The following NCKAP5 variants were observed in gnomAD, a reference collection of about 807,000 sequenced individuals.
NCKAP5 encodes the protein nck-associated protein 5.
A neutral mutation model predicts 167.0 loss-of-function variants in NCKAP5; 92 were observed. That is an observed-to-expected ratio of 0.55 (90% CI 0.47 to 0.66). The LOEUF is 0.66. Ranked by LOEUF, NCKAP5 falls within the 30% of genes least tolerant of loss-of-function variation. The pLI is 0.00. For synonymous variants in NCKAP5, 891 were observed against 877.4 expected, an observed-to-expected ratio of 1.02 and a Z score of -0.27; for missense variants, 2,378 against 2,315.0, an observed-to-expected ratio of 1.03 and a Z score of -0.56.
chr2:132,803,959 G>A (rs1190878566), intron 11 of NCKAP5, among the ~76,000 whole-genome samples: 2 of 152,120 alleles, frequency 1.3e-5, no homozygotes, highest in African/African-American at 4.8e-5. Flanking sequence ...GATGGTGGAG[G>A]CCAGTGTATT....
At chr2:133,496,879 T>C (rs936718624) in intron 3 of NCKAP5, among the ~76,000 whole-genome samples, 4 of 152,142 alleles carry the variant, frequency 2.6e-5, no homozygotes, top group Non-Finnish European at 5.9e-5. Context: ...TGCAAAGAAG[T>C]GTTTCTTGCA....
chr2:132,751,182 G>A (rs548617304), intron 16 of NCKAP5, among the ~76,000 whole-genome samples: 1 of 152,106 alleles, frequency 6.6e-6, no homozygotes, highest in Non-Finnish European at 1.5e-5. Flanking sequence ...CATTCTCACA[G>A]GAGGGAGTGG....
At position 132,784,836 on chromosome 2, in the gene NCKAP5, T is replaced by C. The variant is rs1360941306; in HGVS notation, c.1975A>G (p.Lys659Glu). The C allele has an allele frequency of 4.4e-6, 7 of 1,575,698 alleles. No individual in the cohort carries two copies. Among genetic ancestry groups the C allele is most frequent in the Non-Finnish European group, 6.0e-6 (7 of 1,160,528 alleles). ...FSFIKQQRVVKRTSSEECVTV... is the reference protein window; with the variant it reads ...FSFIKQQRVVERTSSEECVTV... ...ACACATTCTTCTGAAGAAGTCCTTT[T>C]TACAACTCTTTGCTGCTTAATGAAA... Residue 659 changes from lysine to glutamate, a missense_variant, in exon 14 of 20, where the codon AAA becomes GAA. By Grantham distance (56) the Lys-to-Glu change is moderately conservative. This residue lies in a region of NCKAP5 where 1,049 missense variants were observed against 1,023.4 expected (regional missense o/e 1.02). Coordinates refer to ENST00000409261, the MANE Select transcript of NCKAP5 (RefSeq NM_207363.3).
intron 3 of NCKAP5, among the ~76,000 whole-genome samples, chr2:133,408,896 T>C (rs1321440894): frequency 6.6e-6 from 1 of 152,082 alleles, no homozygotes; most frequent in African/African-American, 2.4e-5. Flanking sequence ...CCCCAGCCCA[T>C]CCTGAAGCCT....
intron 4 of NCKAP5, among the ~76,000 whole-genome samples, chr2:133,254,506 G>A (rs1157242991): frequency 6.6e-6 from 1 of 152,168 alleles, no homozygotes; most frequent in East Asian, 1.9e-4. Context: ...TCTCAGAATT[G>A]TGAGAGATAG....
chr2:132,776,718 T>C (rs1300456486), intron 15 of NCKAP5, among the ~76,000 whole-genome samples: 1 of 152,196 alleles, frequency 6.6e-6, no homozygotes, highest in Non-Finnish European at 1.5e-5. Context: ...CATTTGCCTA[T>C]GGAAATGAGG....
intron 4 of NCKAP5, among the ~76,000 whole-genome samples, chr2:133,236,069 C>CAAAA (rs2087400410): frequency 5.1e-5 from 1 of 19,450 alleles, no homozygotes; most frequent in Non-Finnish European, 9.3e-5. Flanking sequence ...CTGTCTCAGA[C>CAAAA]CAAAAAAAAA....
At chr2:132,705,267 T>TTA (rs1688248444) in intron 19 of NCKAP5, among the ~76,000 whole-genome samples, 1 of 151,638 alleles carries the variant, frequency 6.6e-6, no homozygotes, top group Non-Finnish European at 1.5e-5. Flanking sequence ...CTCTCATCCT[T>TTA]AAAAAAAACC....
At chr2:133,278,081 A>G (rs1232530384) in intron 4 of NCKAP5, among the ~76,000 whole-genome samples, 1 of 152,198 alleles carries the variant, frequency 6.6e-6, no homozygotes, top group African/African-American at 2.4e-5. Flanking sequence ...GATGAAAGGA[A>G]TGGTTACCTG....
At chr2:133,413,841 A>G (rs1688933734) in intron 3 of NCKAP5, among the ~76,000 whole-genome samples, 1 of 152,106 alleles carries the variant, frequency 6.6e-6, no homozygotes, top group Non-Finnish European at 1.5e-5. Flanking sequence ...CTGCTTCACT[A>G]TTTATGTTAT....
intron 4 of NCKAP5, among the ~76,000 whole-genome samples, chr2:133,246,133 A>G (rs900748175): frequency 3.3e-5 from 5 of 152,106 alleles, no homozygotes; most frequent in Non-Finnish European, 7.4e-5. Context: ...AATAGGAATG[A>G]TTCCAGGGAG....
chr2:133,415,329 C>G (rs942355497), intron 3 of NCKAP5, among the ~76,000 whole-genome samples: 6 of 152,254 alleles, frequency 3.9e-5, no homozygotes, highest in Non-Finnish European at 7.3e-5. Context: ...GATACTTACT[C>G]TACTGTATTG....
intron 4 of NCKAP5, among the ~76,000 whole-genome samples, chr2:133,224,035 T>A (rs2086774014): frequency 6.6e-6 from 1 of 152,232 alleles, no homozygotes; most frequent in Non-Finnish European, 1.5e-5. Flanking sequence ...ATCCACAGGC[T>A]TGTCCTTAAC....
intron 5 of NCKAP5, among the ~76,000 whole-genome samples, chr2:133,186,084 G>A (rs1486003853): frequency 6.6e-6 from 1 of 152,070 alleles, no homozygotes; most frequent in Non-Finnish European, 1.5e-5. Context: ...TCAGTATGAT[G>A]TTGGCTGTAG....
intron 5 of NCKAP5, among the ~76,000 whole-genome samples, chr2:133,212,374 G>A (rs1019288908): frequency 3.3e-5 from 5 of 152,074 alleles, no homozygotes; most frequent in African/African-American, 7.2e-5. Flanking sequence ...GCTTGTGAAA[G>A]TTTCCTTATT....
chr2:133,456,469 C>T (rs1691868784), intron 3 of NCKAP5, among the ~76,000 whole-genome samples: 1 of 152,152 alleles, frequency 6.6e-6, no homozygotes. Context: ...AATGGCGGGA[C>T]AGAAGAGAAA....
chr2:133,049,733 C>T (rs959811885), intron 6 of NCKAP5, among the ~76,000 whole-genome samples: 7 of 152,068 alleles, frequency 4.6e-5, no homozygotes, highest in African/African-American at 1.2e-4. Flanking sequence ...TGCTCATCTC[C>T]GTCACCAAGA....
At position 132,812,262 on chromosome 2, in the gene NCKAP5, C is replaced by T. The variant is rs1222571008; in HGVS notation, c.808-15533G>A. ...CCGCATGCTGCCTTGTCTGGAGCTG[C>T]AATCTAGTCCTGCCTCCGGTCCTCC... On this transcript the variant is annotated intron_variant, in intron 11 of 19. Coordinates refer to ENST00000409261, the MANE Select transcript of NCKAP5 (RefSeq NM_207363.3). Among the ~76,000 whole-genome samples the T allele has an allele frequency of 2.0e-5, 3 of 152,236 alleles. 1 individual carries two copies. Among genetic ancestry groups the T allele is most frequent in the Non-Finnish European group, 4.4e-5 (3 of 68,044 alleles).
chr2:133,382,937 T>A (rs1392868673), intron 3 of NCKAP5, among the ~76,000 whole-genome samples: 1 of 152,154 alleles, frequency 6.6e-6, no homozygotes, highest in Non-Finnish European at 1.5e-5. Context: ...AAACACTGAA[T>A]TGAATGAATG....
Sources: allele counts gnomAD v4.1 joint callset (sites outside exome capture counted in the v4.1 genomes callset), GRCh38; gene constraint gnomAD v4.1.1; regional missense constraint gnomAD v4.1.1; transcripts MANE v1.5; gene names NCBI Gene and HGNC (gene_info 2026-07-23, HGNC 2026-07-21).